The following ADGRB3 variants were observed in gnomAD, a reference collection of about 807,000 sequenced individuals.
The protein encoded by ADGRB3 is adhesion G protein-coupled receptor B3, also known as brain-specific angiogenesis inhibitor 3.
ADGRB3 carries 37 observed loss-of-function variants against 193.4 expected under a neutral mutation model. That is an observed-to-expected ratio of 0.19 (90% CI 0.15 to 0.25). The LOEUF is 0.25. ADGRB3 is among the 10% of genes least tolerant of loss of function. The probability of loss-of-function intolerance (pLI) is 1.00; values close to 1 mark genes in which losing one functional copy is unlikely to be tolerated. For missense variants in ADGRB3, 1,637 were observed against 1,852.9 expected, an observed-to-expected ratio of 0.88 and a Z score of 2.14; for synonymous variants, 690 against 644.2, an observed-to-expected ratio of 1.07 and a Z score of -1.08.
intron 17 of ADGRB3, among the ~76,000 whole-genome samples, chr6:69,102,348 A>C (rs774239934): frequency 4.3e-4 from 66 of 152,298 alleles, no homozygotes; most frequent in Non-Finnish European, 8.4e-4. Context: ...AGCATTAAGT[A>C]AGTCAGTATG....
intron 17 of ADGRB3, among the ~76,000 whole-genome samples, chr6:69,117,375 G>A: frequency 6.6e-6 from 1 of 152,100 alleles, no homozygotes; most frequent in Admixed American, 6.6e-5. Context: ...ATAAAGTTTA[G>A]GTATGTTATT....
At chr6:69,040,349 C>CTTTCTT (rs1771002883) in intron 13 of ADGRB3, among the ~76,000 whole-genome samples, 1 of 53,930 alleles carries the variant, frequency 1.9e-5, no homozygotes, top group Non-Finnish European at 3.8e-5. Context: ...TTCTTTCTTT[C>CTTTCTT]TTTCTTTCTT....
At chr6:68,808,901 T>C (rs1480971066) in intron 3 of ADGRB3, among the ~76,000 whole-genome samples, 9 of 152,230 alleles carry the variant, frequency 5.9e-5, no homozygotes, top group Admixed American at 5.9e-4. Context: ...AGTAGATTTC[T>C]GCATATTGCC....
intron 17 of ADGRB3, among the ~76,000 whole-genome samples, chr6:69,189,066 A>T (rs1339346798): frequency 6.6e-6 from 1 of 152,248 alleles, no homozygotes; most frequent in Admixed American, 6.5e-5. Context: ...CTGTGAAATG[A>T]TAACCAATGA....
chr6:69,257,956 G>A (rs1300268518), intron 20 of ADGRB3, among the ~76,000 whole-genome samples: 3 of 152,164 alleles, frequency 2.0e-5, no homozygotes, highest in Non-Finnish European at 4.4e-5. Context: ...ATCCTATAGT[G>A]GAGATTGTTG....
intron 17 of ADGRB3, among the ~76,000 whole-genome samples, chr6:69,159,823 A>G (rs1774937445): frequency 6.6e-6 from 1 of 152,142 alleles, no homozygotes. Context: ...CTTGAATAGC[A>G]TATATGCTTT....
chr6:69,071,234 A>T (rs1371896161), intron 16 of ADGRB3, among the ~76,000 whole-genome samples: 1 of 152,182 alleles, frequency 6.6e-6, no homozygotes, highest in Non-Finnish European at 1.5e-5. Context: ...GTATTTCCTT[A>T]AAAAGACTTA....
intron 3 of ADGRB3, among the ~76,000 whole-genome samples, chr6:68,772,744 G>A (rs1766643167): frequency 6.6e-6 from 1 of 151,024 alleles, no homozygotes; most frequent in East Asian, 1.9e-4. Context: ...CAGGCCAGGT[G>A]TGGTAGTTCA....
intron 3 of ADGRB3, among the ~76,000 whole-genome samples, chr6:68,902,579 A>C (rs1446007290): frequency 6.6e-6 from 1 of 152,136 alleles, no homozygotes; most frequent in Non-Finnish European, 1.5e-5. Context: ...TTCAGATTTC[A>C]ACACTAAAGT....
intron 3 of ADGRB3, among the ~76,000 whole-genome samples, chr6:68,822,774 T>G (rs1767769823): frequency 6.6e-6 from 1 of 151,980 alleles, no homozygotes; most frequent in Non-Finnish European, 1.5e-5. Flanking sequence ...ATTCAAAAAT[T>G]TTATGAGCCA....
chr6:68,896,853 A>G (rs900650637), intron 3 of ADGRB3, among the ~76,000 whole-genome samples: 8 of 152,154 alleles, frequency 5.3e-5, no homozygotes, highest in African/African-American at 1.7e-4. Flanking sequence ...TCCAGGGAGA[A>G]TTATTTCTAA....
At chr6:69,206,785 A>G (rs978118463) in intron 17 of ADGRB3, among the ~76,000 whole-genome samples, 1 of 152,194 alleles carries the variant, frequency 6.6e-6, no homozygotes, top group Non-Finnish European at 1.5e-5. Context: ...GCTGGTATTG[A>G]TGACTACCTT....
At chr6:68,978,840 T>A (rs1161401811) in intron 10 of ADGRB3, among the ~76,000 whole-genome samples, 1 of 151,440 alleles carries the variant, frequency 6.6e-6, no homozygotes, top group Admixed American at 6.6e-5. Flanking sequence ...GTTCATTCAA[T>A]AATAATTAAT....
intron 17 of ADGRB3, among the ~76,000 whole-genome samples, chr6:69,167,617 C>G (rs920322534): frequency 1.3e-5 from 2 of 152,000 alleles, no homozygotes; most frequent in Non-Finnish European, 2.9e-5. Flanking sequence ...TAAATAATGT[C>G]TTTCAGGGTA....
rs541239856 is a variant in ADGRB3, at chr6:68,950,537, A to G, written c.1196-5487A>G. Reference sequence around the variant, plus strand: ...TGTCTAAAATGGCATTCCAAATTTAACCTCAAAAAGATAGAAATTTTGATT... The same window carrying G: ...TGTCTAAAATGGCATTCCAAATTTAGCCTCAAAAAGATAGAAATTTTGATT... On this transcript the variant is annotated intron_variant, in intron 6 of 31. Transcript: ENST00000370598. Among the ~76,000 whole-genome samples, 221 of 152,268 alleles carry G rather than the reference A, an allele frequency of 1.5e-3. 1 individual carries two copies. The highest frequency in any genetic ancestry group is 5.1e-3 in the African/African-American group (214 of 41,568).
At chr6:68,820,535 A>T (rs1238971691) in intron 3 of ADGRB3, among the ~76,000 whole-genome samples, 1 of 152,050 alleles carries the variant, frequency 6.6e-6, no homozygotes, top group Non-Finnish European at 1.5e-5. Flanking sequence ...TGAAATATAC[A>T]ATAAATTATT....
At chr6:69,175,829 G>A (rs973826095) in intron 17 of ADGRB3, among the ~76,000 whole-genome samples, 1 of 152,088 alleles carries the variant, frequency 6.6e-6, no homozygotes, top group Non-Finnish European at 1.5e-5. Context: ...GTGGTTTGTG[G>A]TTTTCCTTGT....
rs571082264 is a variant in ADGRB3, at chr6:68,748,130, T to A, written c.757+108698T>A. 5.3e-5 allele frequency among the ~76,000 whole-genome samples: 8 copies of A among 152,234 alleles called. No individual in the cohort carries two copies. In the South Asian group the frequency reaches 6.2e-4, roughly 12 times the overall value. ...AGAATTCTGGGAGATACAATTCAAG[T>A]TGAGATTTGGGTGGGGACACAGCCA... is the stretch of plus-strand genomic sequence containing the variant. On this transcript the variant is annotated intron_variant, in intron 3 of 31. Coordinates refer to ENST00000370598, the MANE Select transcript of ADGRB3 (RefSeq NM_001704.3).
intron 15 of ADGRB3, among the ~76,000 whole-genome samples, chr6:69,061,341 A>C (rs1050485024): frequency 4.6e-5 from 7 of 151,980 alleles, no homozygotes; most frequent in African/African-American, 1.4e-4. Flanking sequence ...TTTTTTTCTG[A>C]TGAAATCTTG....
Sources: allele counts gnomAD v4.1 joint callset (sites outside exome capture counted in the v4.1 genomes callset), GRCh38; gene constraint gnomAD v4.1.1; transcripts MANE v1.5; gene names NCBI Gene and HGNC (gene_info 2026-07-23, HGNC 2026-07-21).